Variants in RANBP2 observed in about 807,000 individuals in gnomAD.
RANBP2 encodes the protein E3 SUMO-protein ligase RanBP2.
RANBP2 carries 57 observed loss-of-function variants against 303.6 expected under a neutral mutation model. The observed-to-expected ratio is 0.19, with a 90% CI of 0.15 to 0.23. The LOEUF (loss-of-function observed/expected upper bound fraction) is 0.23. Ranked by LOEUF, RANBP2 falls within the 10% of genes least tolerant of loss-of-function variation. The pLI, the probability that RANBP2 is intolerant of heterozygous loss-of-function variation, is 1.00. For missense variants in RANBP2, 3,138 were observed against 3,780.8 expected, an observed-to-expected ratio of 0.83 and a Z score of 4.46; for synonymous variants, 1,167 against 1,301.5, an observed-to-expected ratio of 0.90 and a Z score of 2.23.
chr2:108,928,530 T>C, the RANBP2 span, among the ~76,000 whole-genome samples: 1 of 152,202 alleles, frequency 6.6e-6, no homozygotes, highest in African/African-American at 2.4e-5. Flanking sequence ...ACACCACCAC[T>C]GCTTTTATCT....
chr2:109,023,808 C>CAAAACAAACAAACA, the RANBP2 span, among the ~76,000 whole-genome samples: 1 of 152,140 alleles, frequency 6.6e-6, no homozygotes, highest in Non-Finnish European at 1.5e-5. Context: ...GACCCTATCT[C>CAAAACAAACAAACA]AAAACAAACA....
the RANBP2 span, among the ~76,000 whole-genome samples, chr2:108,831,107 A>G: frequency 9.9e-5 from 15 of 152,184 alleles, no homozygotes. Context: ...CCCCGGAGGC[A>G]GAAGTTTCAG....
chr2:109,100,471 A>G, the RANBP2 span, among the ~76,000 whole-genome samples: 1 of 152,196 alleles, frequency 6.6e-6, no homozygotes, highest in East Asian at 1.9e-4. Flanking sequence ...ATCTTCCACA[A>G]AATTGGTCCC....
At chr2:108,888,415 AT>A in the RANBP2 span, among the ~76,000 whole-genome samples, 1 of 151,942 alleles carries the variant, frequency 6.6e-6, no homozygotes, top group East Asian at 1.9e-4. Flanking sequence ...CTTCTCTTCA[AT>A]TTTTTGGAAT....
the RANBP2 span, among the ~76,000 whole-genome samples, chr2:109,147,078 C>T: frequency 6.6e-6 from 1 of 152,184 alleles, no homozygotes; most frequent in Non-Finnish European, 1.5e-5. Flanking sequence ...AAGTTCTCTT[C>T]TTCCCTGTCT....
At chr2:109,055,525 T>A in the RANBP2 span, among the ~76,000 whole-genome samples, 3 of 151,816 alleles carry the variant, frequency 2.0e-5, no homozygotes, top group Non-Finnish European at 4.4e-5. Context: ...CGTGTCCGGC[T>A]AATTTTCTTT....
At chr2:108,864,068 GTTACACTAGTGTGTAAC>G in the RANBP2 span, among the ~76,000 whole-genome samples, 1 of 151,872 alleles carries the variant, frequency 6.6e-6, no homozygotes, top group Non-Finnish European at 1.5e-5. Context: ...TAGATGATGT[GTTACACTAGTGTGTAAC>G]ACTAGTGAGC....
chr2:108,984,808 C>G, the RANBP2 span, among the ~76,000 whole-genome samples: 3 of 152,188 alleles, frequency 2.0e-5, no homozygotes, highest in African/African-American at 7.2e-5. Flanking sequence ...GTGTTACTCA[C>G]TACATCCCAG....
chr2:109,374,512 G>A, the RANBP2 span, among the ~76,000 whole-genome samples: 1 of 152,194 alleles, frequency 6.6e-6, no homozygotes, highest in African/African-American at 2.4e-5. Context: ...AGGCATTTGA[G>A]GTGGGAACTT....
chr2:109,266,528 C>T, the RANBP2 span, among the ~76,000 whole-genome samples: 4 of 152,132 alleles, frequency 2.6e-5, no homozygotes, highest in Non-Finnish European at 4.4e-5. Flanking sequence ...TTGTTCTCCT[C>T]AATACAGTGA....
the RANBP2 span, among the ~76,000 whole-genome samples, chr2:109,100,205 T>C: frequency 6.6e-6 from 1 of 152,244 alleles, no homozygotes; most frequent in Non-Finnish European, 1.5e-5. Flanking sequence ...CCAGTACCAG[T>C]CTGTGGCCTG....
the RANBP2 span, among the ~76,000 whole-genome samples, chr2:109,485,254 T>A: frequency 6.6e-6 from 1 of 152,274 alleles, no homozygotes; most frequent in African/African-American, 2.4e-5. Flanking sequence ...GACAGCCACC[T>A]GTCTCCACAT....
In RANBP2 at chr2:108,751,702, G is replaced by A. The variant is rs750345272; in HGVS notation, c.1630G>A (p.Val544Ile). Residue 544 changes from valine to isoleucine, a missense_variant and splice_region_variant, in exon 11 of 29, where the codon GTA becomes ATA. Val to Ile is a conservative substitution (Grantham distance 29). Around this residue, in one of 20 missense-constraint regions of RANBP2, gnomAD observed 162 missense variants for 286.9 expected, o/e 0.56. Transcript: ENST00000283195. ...AVCTLIHRKA[V>I]PGNVAKLRLL... ...TTGTACTCTGATTCACAGAAAAGCA[G>A]TGTAAGTAGTAAAACAAAAATATTG... 6.2e-7 allele frequency: 1 copy of A among 1,610,410 alleles called. No homozygotes were observed. The highest frequency in any genetic ancestry group is 8.5e-7 in the Non-Finnish European group (1 of 1,179,206).
chr2:109,524,510 G>A, the RANBP2 span, among the ~76,000 whole-genome samples: 206 of 148,188 alleles, frequency 1.4e-3, 2 homozygotes, highest in Admixed American at 0.011. Context: ...TAATCCCAGC[G>A]CTTTGGGAGG....
the RANBP2 span, among the ~76,000 whole-genome samples, chr2:109,483,689 A>G: frequency 6.6e-6 from 1 of 152,252 alleles, no homozygotes; most frequent in East Asian, 1.9e-4. Context: ...GTCCCTGGCC[A>G]TGCAGGCACA....
At chr2:109,270,364 G>A in the RANBP2 span, among the ~76,000 whole-genome samples, 6 of 152,198 alleles carry the variant, frequency 3.9e-5, no homozygotes, top group East Asian at 1.9e-4. Context: ...GCTGCCTAGC[G>A]GGATAGGCAG....
At chr2:109,678,029 AG>A in the RANBP2 span, among the ~76,000 whole-genome samples, 1 of 152,156 alleles carries the variant, frequency 6.6e-6, no homozygotes, top group Admixed American at 6.5e-5. Context: ...CTCCCGCAGC[AG>A]GGGGGTCGCA....
At chr2:108,996,671 A>G in the RANBP2 span, among the ~76,000 whole-genome samples, 1 of 151,784 alleles carries the variant, frequency 6.6e-6, no homozygotes, top group East Asian at 1.9e-4. Context: ...CCTTTGAATC[A>G]GTGATCTTAC....
chr2:109,524,469 A>AAAAC, the RANBP2 span, among the ~76,000 whole-genome samples: 274 of 80,808 alleles, frequency 3.4e-3, 4 homozygotes, highest in South Asian at 0.036. Flanking sequence ...AAAAAAAACA[A>AAAAC]AACAACACTG....
Sources: gnomAD v4.1 joint callset for allele counts (sites outside exome capture counted in the v4.1 genomes callset) on GRCh38, gnomAD v4.1.1 for gene constraint, gnomAD v4.1.1 regional missense constraint, MANE v1.5 for transcripts, NCBI Gene and HGNC (gene_info 2026-07-23, HGNC 2026-07-21) for gene names.